The following GABRA3 variants were observed in gnomAD, a reference collection of about 807,000 sequenced individuals.
The protein encoded by GABRA3 is gamma-aminobutyric acid type A receptor subunit alpha3.
GABRA3 carries 10 observed loss-of-function variants against 30.1 expected under a neutral mutation model. That is an observed-to-expected ratio of 0.33 (90% CI 0.20 to 0.56). The LOEUF (loss-of-function observed/expected upper bound fraction) is 0.56, where lower values mean the gene tolerates loss of function less well. Among genes scored for constraint, GABRA3 ranks in the 20% least tolerant of loss-of-function variants. The pLI, the probability that GABRA3 is intolerant of heterozygous loss-of-function variation, is 0.89. For synonymous variants in GABRA3, 151 were observed against 146.8 expected, an observed-to-expected ratio of 1.03 and a Z score of -0.21; for missense variants, 233 against 392.0, an observed-to-expected ratio of 0.59 and a Z score of 3.42.
intron 1 of GABRA3, among the ~76,000 whole-genome samples, chrX:152,422,766 A>C (rs1441697083): frequency 9.0e-6 from 1 of 110,993 alleles, no homozygotes; most frequent in Admixed American, 9.7e-5. Flanking sequence ...ATTTCAGTTC[A>C]ACGGTAGGAA....
At chrX:152,377,134 C>A (rs989230597) in intron 1 of GABRA3, among the ~76,000 whole-genome samples, 9 of 111,338 alleles carry the variant, frequency 8.1e-5, no homozygotes, top group Non-Finnish European at 1.5e-4. Flanking sequence ...CACATAAACA[C>A]CGTAATTTAG....
At chrX:152,274,040 A>G (rs1027940865) in intron 4 of GABRA3, among the ~76,000 whole-genome samples, 11 of 111,686 alleles carry the variant, frequency 9.8e-5, no homozygotes, top group Non-Finnish European at 2.1e-4. Flanking sequence ...GTGTAGGAAA[A>G]TCATAAAGGT....
chrX:152,225,414 A>ACATG lies in GABRA3; in HGVS notation c.552-570_552-569insCATG, dbSNP rs1160956608. On this transcript the variant is annotated intron_variant, in intron 5 of 9. Transcript: ENST00000370314. ...ATACACCACACACACGCACACACAC[A>ACATG]CACGCACACACACACACGCACACAC... Among the ~76,000 whole-genome samples, 5 of 49,950 alleles carry ACATG rather than the reference A, an allele frequency of 1.0e-4. 1 individual carries two copies. Among genetic ancestry groups the ACATG allele is most frequent in the African/African-American group, 5.2e-4 (5 of 9,579 alleles). 43.4% of individuals were successfully genotyped at this position (49,950 alleles called of 115,157 possible).
At chrX:152,346,967 T>C (rs1020116666) in intron 2 of GABRA3, among the ~76,000 whole-genome samples, 1 of 111,887 alleles carries the variant, frequency 8.9e-6, no homozygotes, top group African/African-American at 3.3e-5. Flanking sequence ...AGCTACCATA[T>C]GATCCAGCAA....
At chrX:152,415,099 C>T (rs189502209) in intron 1 of GABRA3, among the ~76,000 whole-genome samples, 92 of 111,108 alleles carry the variant, frequency 8.3e-4, no homozygotes, top group Middle Eastern at 4.6e-3. Flanking sequence ...ATGCATTATA[C>T]ATTTGTCAAA....
intron 4 of GABRA3, among the ~76,000 whole-genome samples, chrX:152,263,319 A>G (rs2124419921): frequency 9.0e-6 from 1 of 111,184 alleles, no homozygotes. Context: ...GGAAACTCAA[A>G]GAAATTCAAT....
chrX:152,371,479 A>G (rs1928840012), intron 1 of GABRA3, among the ~76,000 whole-genome samples: 2 of 110,989 alleles, frequency 1.8e-5, no homozygotes, highest in Non-Finnish European at 3.8e-5. Context: ...TCTCCTGGTC[A>G]AATGTATTAT....
In GABRA3 at chrX:152,166,692, G is replaced by A. The variant is rs1051793189; in HGVS notation, c.*1536C>T. The stretch of plus-strand genomic sequence containing the variant: ...CCATCATAAACAGTCTCATTCTCTT[G>A]GGCTGAGACTATTAAAAGTGATCTT... On this transcript the variant is annotated 3_prime_UTR_variant, in exon 10 of 10. Coordinates refer to ENST00000370314, the MANE Select transcript of GABRA3 (RefSeq NM_000808.4). The A allele has an allele frequency of 9.0e-6, 1 of 110,504 alleles. No homozygotes were observed. The highest frequency in any genetic ancestry group is 3.3e-5 in the African/African-American group (1 of 30,241). The allele number at this position is 110,504 out of a possible 1,213,427, so 9.1% of individuals were successfully genotyped here. A position where few individuals can be genotyped will look rare whatever the true frequency, so the allele number is the denominator to read the frequency against.
At chrX:152,309,970 CA>C (rs757211620) in intron 3 of GABRA3, among the ~76,000 whole-genome samples, 6 of 111,997 alleles carry the variant, frequency 5.4e-5, no homozygotes, top group Non-Finnish European at 7.5e-5. Flanking sequence ...CCAAAAAAAG[CA>C]GGAGTTGATA....
intron 2 of GABRA3, among the ~76,000 whole-genome samples, chrX:152,352,917 A>C (rs1280555573): frequency 9.0e-6 from 1 of 110,832 alleles, no homozygotes; most frequent in Non-Finnish European, 1.9e-5. Context: ...AATATTCCTC[A>C]TGTTTTCATT....
intron 1 of GABRA3, among the ~76,000 whole-genome samples, chrX:152,390,836 A>AC (rs1390324978): frequency 1.1e-4 from 12 of 111,918 alleles, no homozygotes; most frequent in Non-Finnish European, 2.3e-4. Flanking sequence ...CTTTAAAAAA[A>AC]CAAGCATATG....
At chrX:152,174,295 C>G (rs751496734) in intron 9 of GABRA3, among the ~76,000 whole-genome samples, 14 of 111,057 alleles carry the variant, frequency 1.3e-4, no homozygotes, top group South Asian at 3.8e-4. Flanking sequence ...TAGTCCTTTG[C>G]GTATATACCC....
chrX:152,351,803 A>G (rs778624300), intron 2 of GABRA3, among the ~76,000 whole-genome samples: 1 of 111,452 alleles, frequency 9.0e-6, no homozygotes. Flanking sequence ...AGTGAGAGCC[A>G]TGTAAATTTT....
intron 1 of GABRA3, among the ~76,000 whole-genome samples, chrX:152,401,355 C>T (rs1007773792): frequency 1.1e-4 from 12 of 107,937 alleles, no homozygotes; most frequent in Admixed American, 2.0e-4. Flanking sequence ...CACTGAGTAT[C>T]CAATAAGTGG....
intron 2 of GABRA3, among the ~76,000 whole-genome samples, chrX:152,353,297 ATGT>A (rs1170385761): frequency 8.9e-6 from 1 of 112,069 alleles, no homozygotes; most frequent in Non-Finnish European, 1.9e-5. Flanking sequence ...TAATTAGTAT[ATGT>A]TGTGAATGAT....
At chrX:152,222,877 T>G (rs766366625) in intron 6 of GABRA3, among the ~76,000 whole-genome samples, 5 of 110,198 alleles carry the variant, frequency 4.5e-5, no homozygotes, top group Non-Finnish European at 5.7e-5. Flanking sequence ...TTTTTTTTAG[T>G]ACTGGAAGAC....
chrX:152,232,941 G>C (rs1180971000), intron 5 of GABRA3, among the ~76,000 whole-genome samples: 1 of 110,823 alleles, frequency 9.0e-6, no homozygotes, highest in East Asian at 2.8e-4. Flanking sequence ...CTGTGTGTAA[G>C]CATTCTCTTT....
chrX:152,371,661 C>A (rs187904050), intron 1 of GABRA3, among the ~76,000 whole-genome samples: 167 of 111,422 alleles, frequency 1.5e-3, no homozygotes, highest in African/African-American at 4.7e-3. Context: ...TTTATGGTAA[C>A]CCATTTCAAT....
chrX:152,276,666 T>C (rs1939091408), intron 4 of GABRA3, among the ~76,000 whole-genome samples: 3 of 112,147 alleles, frequency 2.7e-5, no homozygotes, highest in African/African-American at 9.7e-5. Flanking sequence ...ATTCATACAA[T>C]GTAATAATCT....
Sources: gnomAD v4.1 joint callset for allele counts (sites outside exome capture counted in the v4.1 genomes callset) on GRCh38, gnomAD v4.1.1 for gene constraint, MANE v1.5 for transcripts, NCBI Gene and HGNC (gene_info 2026-07-23, HGNC 2026-07-21) for gene names.